KIRREL1: variants seen among roughly 807,000 people sequenced by gnomAD.
KIRREL1 encodes the protein kirre like nephrin family adhesion molecule 1.
KIRREL1 carries 25 observed loss-of-function variants against 83.3 expected under a neutral mutation model. The observed-to-expected ratio is 0.30, with a 90% CI of 0.22 to 0.42. The LOEUF is 0.42. Ranked by LOEUF, KIRREL1 falls within the 10% of genes least tolerant of loss-of-function variation. The pLI is 1.00. For synonymous variants in KIRREL1, 388 were observed against 410.4 expected, an observed-to-expected ratio of 0.95 and a Z score of 0.66; for missense variants, 812 against 1,032.3, an observed-to-expected ratio of 0.79 and a Z score of 2.92.
intron 1 of KIRREL1, among the ~76,000 whole-genome samples, chr1:158,072,893 G>A (rs1661557263): frequency 6.6e-6 from 1 of 151,624 alleles, no homozygotes; most frequent in Admixed American, 6.6e-5. Context: ...GAAGGGGAGA[G>A]GGGACCCAGT....
intron 1 of KIRREL1, among the ~76,000 whole-genome samples, chr1:158,029,500 T>C (rs1243350511): frequency 1.3e-5 from 2 of 152,196 alleles, no homozygotes; most frequent in African/African-American, 2.4e-5. Flanking sequence ...AGAAGGTGAA[T>C]AGTTATGGGA....
At chr1:158,055,497 C>T (rs1258915397) in intron 1 of KIRREL1, among the ~76,000 whole-genome samples, 1 of 152,154 alleles carries the variant, frequency 6.6e-6, no homozygotes, top group Non-Finnish European at 1.5e-5. Flanking sequence ...GCCTCAGTTT[C>T]CCCAACCTCA....
chr1:158,003,443 T>G (rs1405850290), intron 1 of KIRREL1, among the ~76,000 whole-genome samples: 1 of 152,144 alleles, frequency 6.6e-6, no homozygotes, highest in Non-Finnish European at 1.5e-5. Context: ...CTTGAGGAAT[T>G]GACTTGCTCC....
intron 1 of KIRREL1, among the ~76,000 whole-genome samples, chr1:158,000,847 G>C (rs573708046): frequency 2.0e-5 from 3 of 152,256 alleles, no homozygotes; most frequent in African/African-American, 7.2e-5. Context: ...CAGGATTAAG[G>C]GTCTTAAATC....
intron 1 of KIRREL1, among the ~76,000 whole-genome samples, chr1:158,008,391 C>T (rs1304376965): frequency 6.6e-6 from 1 of 152,134 alleles, no homozygotes; most frequent in East Asian, 1.9e-4. Flanking sequence ...GGCTTTATCC[C>T]CGGAGCTCCC....
rs1389478134 is a variant in KIRREL1, at chr1:158,088,335, C to T, written c.925C>T (p.Arg309Trp). 3.1e-6 allele frequency: 5 copies of T among 1,612,226 alleles called. No homozygotes were observed. Among genetic ancestry groups the T allele is most frequent in the African/African-American group, 1.3e-5 (1 of 74,786 alleles). ...STLVNVHFAP[R>W]IVVDPKPTTT... ...TTCTTTCTCCCTCACAGTTGCTCCC[C>T]GGATTGTAGTTGACCCCAAACCCAC... is the stretch of plus-strand genomic sequence containing the variant. Residue 309 changes from arginine (R) to tryptophan (W), a missense_variant, in exon 8 of 15, where the codon CGG becomes TGG. Physicochemically the swap from Arg to Trp is moderately radical, Grantham distance 101 (BLOSUM62 -3). Coordinates refer to ENST00000359209, the MANE Select transcript of KIRREL1 (RefSeq NM_018240.7).
At chr1:157,999,117 C>T (rs1286675171) in intron 1 of KIRREL1, among the ~76,000 whole-genome samples, 2 of 152,120 alleles carry the variant, frequency 1.3e-5, no homozygotes, top group Admixed American at 6.5e-5. Flanking sequence ...GCCTTTTTTC[C>T]TCTCCTGGTG....
chr1:158,008,522 C>T (rs978115751), intron 1 of KIRREL1, among the ~76,000 whole-genome samples: 20 of 152,164 alleles, frequency 1.3e-4, no homozygotes, highest in Middle Eastern at 6.8e-3. Context: ...AGTCGAGAAT[C>T]GCTGTGATAG....
chr1:158,034,807 G>A (rs1390879861), intron 1 of KIRREL1, among the ~76,000 whole-genome samples: 1 of 152,176 alleles, frequency 6.6e-6, no homozygotes, highest in Admixed American at 6.5e-5. Context: ...GGTAGCTAGG[G>A]TAGACATATT....
chr1:158,082,708 T>C (rs1661899003), intron 3 of KIRREL1, among the ~76,000 whole-genome samples: 1 of 152,108 alleles, frequency 6.6e-6, no homozygotes, highest in East Asian at 1.9e-4. Flanking sequence ...TGGCTCATGC[T>C]TGTAATCCCA....
At chr1:158,034,710 A>G (rs1001318865) in intron 1 of KIRREL1, among the ~76,000 whole-genome samples, 5 of 152,266 alleles carry the variant, frequency 3.3e-5, no homozygotes, top group South Asian at 2.1e-4. Context: ...AACATAAGGG[A>G]TTGTTATTTC....
rs752806756 is a variant in KIRREL1 at position 158,091,449 on chromosome 1, C to T, written c.1364C>T (p.Thr455Met). The T allele has an allele frequency of 1.4e-5, 23 of 1,614,064 alleles. No individual in the cohort carries two copies. The Admixed American group carries it at 2.5e-4, about 18-fold the overall frequency. The stretch of plus-strand genomic sequence containing the variant: ...AACTCAGGCAGTGGGGTGCTATCCA[C>T]GCTCACCATCAACAATGTCATGGAG... ...RTNSGSGVLS[T>M]LTINNVMEAD... The change falls in exon 11 of 15, where the codon ACG (threonine) becomes ATG (methionine). Residue 455 changes from threonine (T) to methionine (M), a missense_variant. Thr to Met is a moderately conservative substitution (Grantham distance 81). Around this residue, in one of 3 missense-constraint regions of KIRREL1, gnomAD observed 472 missense variants for 626.8 expected, o/e 0.75. Transcript: ENST00000359209.
intron 1 of KIRREL1, among the ~76,000 whole-genome samples, chr1:158,059,840 T>G (rs975863832): frequency 1.3e-5 from 2 of 152,202 alleles, no homozygotes; most frequent in Non-Finnish European, 2.9e-5. Context: ...CTGTGCCTCT[T>G]CAAGAGCTCA....
At chr1:158,006,690 G>T (rs1428694106) in intron 1 of KIRREL1, among the ~76,000 whole-genome samples, 1 of 152,186 alleles carries the variant, frequency 6.6e-6, no homozygotes, top group African/African-American at 2.4e-5. Context: ...CTTCTCAGCC[G>T]CTCAGAGCAG....
intron 10 of KIRREL1, 95 bp downstream of exon 10, chr1:158,089,913 T>C: frequency 9.7e-7 from 1 of 1,026,040 alleles, no homozygotes; most frequent in Non-Finnish European, 1.5e-6. Context: ...CTCCTTCAAC[T>C]TCCCTGTCCC....
rs370156588 is a variant in KIRREL1 at position 158,020,600 on chromosome 1, C to CAAAAAAAAAAAAAAAAAAAAAAAAA, written c.52+26894_52+26895insAAAAAAAAAAAAAAAAAAAAAAAAA. On this transcript the variant is annotated intron_variant, in intron 1 of 14. Coordinates refer to ENST00000359209, the MANE Select transcript of KIRREL1 (RefSeq NM_018240.7). ...GCAGAATGACTGCCATACAGTAAAT[C>CAAAAAAAAAAAAAAAAAAAAAAAAA]AAAAAAAAAAAAAAAAAAAAAAGCC... 4.8e-5 allele frequency among the ~76,000 whole-genome samples: 4 copies of CAAAAAAAAAAAAAAAAAAAAAAAAA among 83,676 alleles called. 1 individual carries two copies. The highest frequency in any genetic ancestry group is 4.2e-5 in the Non-Finnish European group (2 of 47,674). 54.9% of individuals were successfully genotyped at this position (83,676 alleles called of 152,430 possible).
chr1:158,067,779 C>T (rs1385938803), intron 1 of KIRREL1, among the ~76,000 whole-genome samples: 2 of 152,214 alleles, frequency 1.3e-5, no homozygotes, highest in Admixed American at 1.3e-4. Flanking sequence ...GTTCCTGCCT[C>T]TTGAGGTGAC....
At chr1:158,092,516 T>G (rs539058947) in intron 11 of KIRREL1, among the ~76,000 whole-genome samples, 1 of 151,948 alleles carries the variant, frequency 6.6e-6, no homozygotes, top group African/African-American at 2.4e-5. Context: ...CCCGGCTAAT[T>G]TTTTGTATTT....
intron 1 of KIRREL1, among the ~76,000 whole-genome samples, chr1:158,021,124 C>T (rs1480138626): frequency 6.6e-6 from 1 of 152,056 alleles, no homozygotes; most frequent in East Asian, 1.9e-4. Context: ...AGTATCTCGA[C>T]CAAAACCTCA....
Sources: gnomAD v4.1 joint callset for allele counts (sites outside exome capture counted in the v4.1 genomes callset) on GRCh38, gnomAD v4.1.1 for gene constraint, gnomAD v4.1.1 regional missense constraint, MANE v1.5 for transcripts, NCBI Gene and HGNC (gene_info 2026-07-23, HGNC 2026-07-21) for gene names.